Variants in DRAXIN observed in about 807,000 individuals in gnomAD.
DRAXIN encodes the protein dorsal repulsive axon guidance protein.
DRAXIN carries 27 observed loss-of-function variants against 33.9 expected under a neutral mutation model. That is an observed-to-expected ratio of 0.80 (90% CI 0.59 to 1.10). The LOEUF is 1.10. Among genes scored for constraint, DRAXIN ranks in the 50% least tolerant of loss-of-function variants. DRAXIN has a pLI of 0.00. For missense variants in DRAXIN, 371 were observed against 460.8 expected (o/e 0.81, Z 1.78); for synonymous variants, 178 against 194.0 (o/e 0.92, Z 0.69).
Position 11,692,344 on chromosome 1 carries a change from T to C in DRAXIN, c.-11+491T>C, listed in dbSNP as rs1377863014. Among the ~76,000 whole-genome samples, 1 of 152,020 alleles carries C rather than the reference T, an allele frequency of 6.6e-6. No homozygotes were observed. The highest frequency in any genetic ancestry group is 2.4e-5 in the African/African-American group (1 of 41,396). Reference sequence around the variant, plus strand: ...GAGCCCCGGGCAGAGCTGGCGGGCGTGCCCTCCAGCCCCTTTCGAGGCCGC... The same window carrying C: ...GAGCCCCGGGCAGAGCTGGCGGGCGCGCCCTCCAGCCCCTTTCGAGGCCGC... On this transcript the variant is annotated intron_variant, in intron 1 of 6. Coordinates refer to ENST00000294485, the MANE Select transcript of DRAXIN (RefSeq NM_198545.4). This position sits in a 1 kb window ranked among gnomAD's most constrained non-coding sequence, Gnocchi z 5.8.
chr1:11,688,687 T>TA (rs1427783682), upstream of DRAXIN, among the ~76,000 whole-genome samples: 3 of 152,194 alleles, frequency 2.0e-5, no homozygotes, highest in Admixed American at 6.5e-5. The surrounding 1 kb of genome is among the most constrained non-coding windows in gnomAD (Gnocchi z 4.6). Context: ...CTCACATTGT[T>TA]AGAGGTGTCT....
intron 1 of DRAXIN, among the ~76,000 whole-genome samples, chr1:11,702,633 T>G (rs746282279): frequency 4.8e-5 from 7 of 146,716 alleles, no homozygotes; most frequent in Non-Finnish European, 9.0e-5. Context: ...CACACACACA[T>G]GCTCACACAT....
Position 11,706,068 on chromosome 1 carries a change from T to C in DRAXIN, c.-10-181T>C, listed in dbSNP as rs533901948. Among the ~76,000 whole-genome samples the C allele has an allele frequency of 6.6e-6, 1 of 152,350 alleles. No homozygotes were observed. Among genetic ancestry groups the C allele is most frequent in the East Asian group, 1.9e-4 (1 of 5,192 alleles). ...AGCAGCATCCACGGGCTCCAACCTCTACCTGCCAGTAGCACTCCCCAGTTT... is the reference window on the plus strand; with the variant it reads ...AGCAGCATCCACGGGCTCCAACCTCCACCTGCCAGTAGCACTCCCCAGTTT... On this transcript the variant is annotated intron_variant, in intron 1 of 6. Coordinates refer to ENST00000294485, the MANE Select transcript of DRAXIN (RefSeq NM_198545.4). This position sits in a 1 kb window ranked among gnomAD's most constrained non-coding sequence, Gnocchi z 5.5.
At chr1:11,693,258 C>A (rs888784877) in intron 1 of DRAXIN, among the ~76,000 whole-genome samples, 1 of 152,056 alleles carries the variant, frequency 6.6e-6, no homozygotes, top group Non-Finnish European at 1.5e-5. Flanking sequence ...TTGCCAACAA[C>A]TGATCACCCA....
intron 1 of DRAXIN, among the ~76,000 whole-genome samples, chr1:11,700,717 G>A (rs2100732485): frequency 6.6e-6 from 1 of 152,322 alleles, no homozygotes; most frequent in South Asian, 2.1e-4. Flanking sequence ...TCTCCCCGTG[G>A]GGGGTTGCCT....
chr1:11,717,166 C>G (rs1320022363), intron 6 of DRAXIN, among the ~76,000 whole-genome samples: 1 of 151,746 alleles, frequency 6.6e-6, no homozygotes, highest in Non-Finnish European at 1.5e-5. Flanking sequence ...GCCTGTAATT[C>G]CAGCTACTCG....
At chr1:11,697,252 C>T (rs1008990811) in intron 1 of DRAXIN, among the ~76,000 whole-genome samples, 2 of 152,172 alleles carry the variant, frequency 1.3e-5, no homozygotes, top group African/African-American at 4.8e-5. Flanking sequence ...ATGTCTGGGC[C>T]TCCACCTCTC....
intron 2 of DRAXIN, among the ~76,000 whole-genome samples, chr1:11,708,794 A>G (rs1570314917): frequency 6.6e-6 from 1 of 152,200 alleles, no homozygotes; most frequent in African/African-American, 2.4e-5. Flanking sequence ...TAATGGGGTG[A>G]TGACTAATTG....
Position 11,720,994 on chromosome 1 carries a change from C to G in DRAXIN, c.*1298C>G, listed in dbSNP as rs897193147. The stretch of plus-strand genomic sequence containing the variant: ...ATCCCTGTGGTCTAGTAGCTGATAT[C>G]CTGGGATAAGAAGTGTTTGGGGAAA... On this transcript the variant is annotated 3_prime_UTR_variant, in exon 7 of 7. Coordinates refer to ENST00000294485, the MANE Select transcript of DRAXIN (RefSeq NM_198545.4). The G allele has an allele frequency of 6.6e-6, 1 of 152,190 alleles. No homozygotes were observed. The highest frequency in any genetic ancestry group is 2.4e-5 in the African/African-American group (1 of 41,436). 9.4% of individuals were successfully genotyped at this position (152,190 alleles called of 1,614,324 possible).
In DRAXIN at chr1:11,717,397, T is replaced by C. The variant is rs373677338; in HGVS notation, c.938-2187T>C. On this transcript the variant is annotated intron_variant, in intron 6 of 6. Transcript: ENST00000294485. ...TGGGCATTGGAGGCCAGGGGAGTGG[T>C]TCATGCCTGTAATCTCAGCACTTTG... Among the ~76,000 whole-genome samples, 23 of 137,320 alleles carry C rather than the reference T, an allele frequency of 1.7e-4. 3 individuals carry two copies. In the South Asian group the frequency reaches 2.4e-3, roughly 14 times the overall value. The allele number at this position is 137,320 out of a possible 152,430, so 90.1% of individuals were successfully genotyped here.
chr1:11,706,967 A>G lies in DRAXIN; in HGVS notation c.451+258A>G, dbSNP rs1641394177. Among the ~76,000 whole-genome samples the G allele has an allele frequency of 6.6e-6, 1 of 152,148 alleles. No individual in the cohort carries two copies. The highest frequency in any genetic ancestry group is 1.9e-4 in the East Asian group (1 of 5,172). ...CGTGGCTCACGCTTGTAATCCCAGC[A>G]CTTTGGGAGGCCGAGGCGGGCGGAT... On this transcript the variant is annotated intron_variant, in intron 2 of 6. Coordinates refer to ENST00000294485, the MANE Select transcript of DRAXIN (RefSeq NM_198545.4). The surrounding 1 kb of genome is among the most constrained non-coding windows in gnomAD (Gnocchi z 5.5).
intron 1 of DRAXIN, among the ~76,000 whole-genome samples, chr1:11,702,886 G>C (rs1212381580): frequency 6.6e-6 from 1 of 152,142 alleles, no homozygotes; most frequent in African/African-American, 2.4e-5. Context: ...GGGATTACAG[G>C]CGCATGCCAT....
chr1:11,712,910 A>G (rs1641518494), intron 5 of DRAXIN, among the ~76,000 whole-genome samples: 1 of 146,680 alleles, frequency 6.8e-6, no homozygotes, highest in African/African-American at 2.5e-5. Context: ...TCTCAAAAAA[A>G]AAAAATACCC....
At position 11,706,936 on chromosome 1, in the gene DRAXIN, C is replaced by T. The variant is rs1469450784; in HGVS notation, c.451+227C>T. ...CAATACAATCTGTCTTATCGCGGCC[C>T]GGTGCCGTGGCTCACGCTTGTAATC... is the stretch of plus-strand genomic sequence containing the variant. On this transcript the variant is annotated intron_variant, in intron 2 of 6. Coordinates refer to ENST00000294485, the MANE Select transcript of DRAXIN (RefSeq NM_198545.4). The surrounding 1 kb of genome is among the most constrained non-coding windows in gnomAD (Gnocchi z 5.5). 4.6e-5 allele frequency among the ~76,000 whole-genome samples: 7 copies of T among 152,110 alleles called. No individual in the cohort carries two copies. The highest frequency in any genetic ancestry group is 1.9e-4 in the East Asian group (1 of 5,176).
At chr1:11,688,163 C>T (rs1640995321), upstream of DRAXIN, among the ~76,000 whole-genome samples, 1 of 152,186 alleles carries the variant, frequency 6.6e-6, no homozygotes, top group South Asian at 2.1e-4. The surrounding 1 kb of genome is among the most constrained non-coding windows in gnomAD (Gnocchi z 4.6). Flanking sequence ...CACACTGCCC[C>T]CTCTCCCAGG....
rs1380827895 is a variant in DRAXIN, at chr1:11,721,828, T to C, written c.*2132T>C. On this transcript the variant is annotated 3_prime_UTR_variant, in exon 7 of 7. Coordinates refer to ENST00000294485, the MANE Select transcript of DRAXIN (RefSeq NM_198545.4). ...GGCAAAACCCGGTCTCTACCAAATA[T>C]ACAAAAATTAAGGCTGGGCACGAGG... 6.6e-6 allele frequency: 1 copy of C among 151,790 alleles called. No homozygotes were observed. Among genetic ancestry groups the C allele is most frequent in the East Asian group, 1.9e-4 (1 of 5,148 alleles). The allele number at this position is 151,790 out of a possible 1,614,324, so 9.4% of individuals were successfully genotyped here. A position where few individuals can be genotyped will look rare whatever the true frequency, so the allele number is the denominator to read the frequency against.
At chr1:11,702,358 CA>C (rs1279093214) in intron 1 of DRAXIN, among the ~76,000 whole-genome samples, 7 of 142,094 alleles carry the variant, frequency 4.9e-5, no homozygotes, top group African/African-American at 1.8e-4. Context: ...ACTGACAACA[CA>C]CACACCTACA....
At chr1:11,700,890 C>G (rs1234593084) in intron 1 of DRAXIN, among the ~76,000 whole-genome samples, 1 of 152,204 alleles carries the variant, frequency 6.6e-6, no homozygotes, top group Admixed American at 6.5e-5. Context: ...ACAGCTGTCC[C>G]GAGAAGCCTG....
At chr1:11,700,184 T>C (rs1228582639) in intron 1 of DRAXIN, among the ~76,000 whole-genome samples, 1 of 146,148 alleles carries the variant, frequency 6.8e-6, no homozygotes, top group African/African-American at 2.5e-5. Flanking sequence ...GAGCCGAGAT[T>C]GTGCCACTGC....
Sources: allele counts gnomAD v4.1 joint callset (sites outside exome capture counted in the v4.1 genomes callset), GRCh38; gene constraint gnomAD v4.1.1; non-coding constraint Gnocchi (gnomAD v3.1); transcripts MANE v1.5; gene names NCBI Gene and HGNC (gene_info 2026-07-23, HGNC 2026-07-21).